The following ZNF143 variants were observed in gnomAD, a reference collection of about 807,000 sequenced individuals.
ZNF143 encodes the protein SPH-binding factor.
ZNF143 carries 49 observed loss-of-function variants against 74.1 expected under a neutral mutation model. That is an observed-to-expected ratio of 0.66 (90% CI 0.53 to 0.84). The LOEUF (loss-of-function observed/expected upper bound fraction) is 0.84, where lower values mean the gene tolerates loss of function less well. Among genes scored for constraint, ZNF143 ranks in the 40% least tolerant of loss-of-function variants. The pLI, the probability that ZNF143 is intolerant of heterozygous loss-of-function variation, is 0.00. For synonymous variants in ZNF143, 304 were observed against 282.8 expected, an observed-to-expected ratio of 1.07 and a Z score of -0.75; for missense variants, 637 against 793.4, an observed-to-expected ratio of 0.80 and a Z score of 2.37.
At chr11:9,511,489 G>T (rs12291907) in intron 12 of ZNF143, among the ~76,000 whole-genome samples, 1 of 149,300 alleles carries the variant, frequency 6.7e-6, no homozygotes, top group Non-Finnish European at 1.5e-5. Flanking sequence ...ATTTTTAGTA[G>T]AAATGGGTTT....
intron 5 of ZNF143, 134 bp from the exon 6 acceptor site, chr11:9,478,256 T>G: frequency 1.2e-6 from 1 of 804,116 alleles, no homozygotes; most frequent in South Asian, 1.9e-5. Context: ...TTAAATGAAA[T>G]AACACATATC....
rs1477531952 is a variant in ZNF143, at chr11:9,486,371, A to ATAATATATATAATATATATAAT, written c.645+6825_645+6826insTAATATATATAATATATATAAT. Among the ~76,000 whole-genome samples, 36 of 36,714 alleles carry ATAATATATATAATATATATAAT rather than the reference A, an allele frequency of 9.8e-4. 1 individual carries two copies. The highest frequency in any genetic ancestry group is 4.4e-3 in the African/African-American group (35 of 7,934). 24.1% of individuals were successfully genotyped at this position (36,714 alleles called of 152,430 possible). On this transcript the variant is annotated intron_variant, in intron 7 of 15. Transcript: ENST00000396602. Reference sequence around the variant, plus strand: ...TATATATTATATATATATTATATATAATATATTATATATATAATATATATA... The same window carrying ATAATATATATAATATATATAAT: ...TATATATTATATATATATTATATATATAATATATATAATATATATAATATATATTATATATATAATATATATA...
intron 12 of ZNF143, among the ~76,000 whole-genome samples, chr11:9,510,598 A>T: frequency 6.6e-6 from 1 of 152,244 alleles, no homozygotes; most frequent in Non-Finnish European, 1.5e-5. Flanking sequence ...TAGCTGTGGA[A>T]CAGAACAAAA....
chr11:9,521,161 A>T (rs552549674), intron 14 of ZNF143, among the ~76,000 whole-genome samples: 9 of 152,274 alleles, frequency 5.9e-5, no homozygotes, highest in African/African-American at 2.2e-4. Context: ...AATCACCCAG[A>T]GTCCATCATT....
intron 7 of ZNF143, among the ~76,000 whole-genome samples, chr11:9,480,576 C>CTGAAA (rs1847193560): frequency 6.6e-6 from 1 of 152,108 alleles, no homozygotes; most frequent in Admixed American, 6.6e-5. Flanking sequence ...ACAGGAATCA[C>CTGAAA]TGAAATCACT....
At chr11:9,472,914 C>CA in intron 3 of ZNF143, 145 bp downstream of exon 3, 3 of 323,034 alleles carry the variant, frequency 9.3e-6, no homozygotes, top group Non-Finnish European at 1.6e-5. Context: ...CAGTTTAATT[C>CA]TTTTTTTTTT....
At chr11:9,495,823 C>T (rs1231608207) in intron 8 of ZNF143, among the ~76,000 whole-genome samples, 3 of 152,194 alleles carry the variant, frequency 2.0e-5, no homozygotes, top group Non-Finnish European at 4.4e-5. Context: ...TTTGTCATGG[C>T]AACCCTCTAT....
intron 5 of ZNF143, among the ~76,000 whole-genome samples, chr11:9,475,361 G>A (rs1856815484): frequency 2.0e-5 from 3 of 152,174 alleles, no homozygotes. Context: ...CTGGGCTCAA[G>A]GGGCTTTCCT....
At chr11:9,511,214 G>T (rs979918877) in intron 12 of ZNF143, among the ~76,000 whole-genome samples, 2 of 118,470 alleles carry the variant, frequency 1.7e-5, no homozygotes, top group Admixed American at 9.1e-5. Context: ...GGGTTCAAGT[G>T]ATTTCTCCTG....
Position 9,497,674 on chromosome 11 carries a change from G to T in ZNF143, c.842-1G>T. 1 of 1,589,250 alleles carries T rather than the reference G, an allele frequency of 6.3e-7. No homozygotes were observed. Among genetic ancestry groups the T allele is most frequent in the Non-Finnish European group, 8.6e-7 (1 of 1,165,764 alleles). On this transcript the variant is annotated splice_acceptor_variant, in intron 9 of 15. Transcript: ENST00000396602. LOFTEE classifies it high-confidence loss of function. ...AAATTTCTTTTAATTTTTTCTTAAA[G>T]GTTATGGATTAAAAAGTCACGTCAG...
At chr11:9,483,082 C>T (rs1445879223) in intron 7 of ZNF143, among the ~76,000 whole-genome samples, 4 of 150,900 alleles carry the variant, frequency 2.7e-5, no homozygotes, top group African/African-American at 9.9e-5. Context: ...CAACCTCCAC[C>T]TGCTGGGTTC....
chr11:9,463,630 T>G (rs557492364), intron 1 of ZNF143: 2 of 152,312 alleles, frequency 1.3e-5, no homozygotes, highest in South Asian at 4.1e-4. Context: ...TTATTCGTCT[T>G]ATTATGATTT....
chr11:9,472,262 C>CT (rs1200374764), intron 2 of ZNF143, among the ~76,000 whole-genome samples: 12 of 149,364 alleles, frequency 8.0e-5, no homozygotes, highest in South Asian at 4.3e-4. Context: ...CACTTTTTTT[C>CT]TTTTTTTTGA....
intron 2 of ZNF143, 112 bp downstream of exon 2, chr11:9,471,532 CT>C: frequency 1.5e-6 from 1 of 678,376 alleles, no homozygotes; most frequent in Non-Finnish European, 2.3e-6. Flanking sequence ...AAACCTAGGT[CT>C]TTTTATGAGG....
chr11:9,519,840 G>A (rs1264391555), intron 14 of ZNF143, among the ~76,000 whole-genome samples: 1 of 152,038 alleles, frequency 6.6e-6, no homozygotes, highest in Non-Finnish European at 1.5e-5. Context: ...ACTCCCACTA[G>A]CAATGTCTAA....
intron 14 of ZNF143, among the ~76,000 whole-genome samples, chr11:9,523,433 A>C (rs992047930): frequency 6.6e-6 from 1 of 152,040 alleles, no homozygotes; most frequent in African/African-American, 2.4e-5. Flanking sequence ...ATTTGTGTTG[A>C]GGGGTCTTAA....
intron 1 of ZNF143, among the ~76,000 whole-genome samples, chr11:9,465,998 T>G (rs1856188936): frequency 6.6e-6 from 1 of 150,980 alleles, no homozygotes. Flanking sequence ...CTGGCTAATT[T>G]TTTTTTTTTT....
At chr11:9,521,403 A>G (rs61003414) in intron 14 of ZNF143, among the ~76,000 whole-genome samples, 2,512 of 152,246 alleles carry the variant, frequency 0.016, 59 homozygotes, top group African/African-American at 0.056. Context: ...TCCTGTTTCA[A>G]TATCAGGGTT....
At chr11:9,486,274 C>G (rs903909167) in intron 7 of ZNF143, among the ~76,000 whole-genome samples, 22 of 131,338 alleles carry the variant, frequency 1.7e-4, no homozygotes, top group Non-Finnish European at 1.7e-4. Context: ...AATCTTAGCT[C>G]CAGTCTTGTA....
Sources: allele counts gnomAD v4.1 joint callset (sites outside exome capture counted in the v4.1 genomes callset), GRCh38; gene constraint gnomAD v4.1.1; transcripts MANE v1.5; gene names NCBI Gene and HGNC (gene_info 2026-07-23, HGNC 2026-07-21).